KCNIP3: variants seen among roughly 807,000 people sequenced by gnomAD.
KCNIP3 encodes potassium voltage-gated channel interacting protein 3.
In KCNIP3, 28 loss-of-function variants were observed where a neutral mutation model predicts 35.0. That is an observed-to-expected ratio of 0.80 (90% CI 0.59 to 1.10). The LOEUF (loss-of-function observed/expected upper bound fraction) is 1.10. Ranked by LOEUF, KCNIP3 falls within the 50% of genes least tolerant of loss-of-function variation. The pLI is 0.00. For missense variants in KCNIP3, 295 were observed against 338.4 expected (o/e 0.87, Z 1.01); for synonymous variants, 134 against 133.8 (o/e 1.00, Z -0.01).
At chr2:95,322,731 C>T (rs955671798) in intron 2 of KCNIP3, among the ~76,000 whole-genome samples, 2 of 152,224 alleles carry the variant, frequency 1.3e-5, no homozygotes, top group African/African-American at 2.4e-5. Flanking sequence ...TTTCTCCCCA[C>T]CCCGCTTATC....
intron 2 of KCNIP3, among the ~76,000 whole-genome samples, chr2:95,332,113 CAGAG>C (rs991177251): frequency 2.0e-5 from 3 of 152,222 alleles, no homozygotes; most frequent in Admixed American, 2.0e-4. Flanking sequence ...AGCATTCAGA[CAGAG>C]AGAGGAGGCA....
intron 5 of KCNIP3, among the ~76,000 whole-genome samples, chr2:95,375,549 G>A (rs776261897): frequency 1.6e-4 from 24 of 152,080 alleles, no homozygotes; most frequent in Non-Finnish European, 2.9e-4. Context: ...TCAGAGGCCT[G>A]GTTTGCTGAC....
Position 95,382,560 on chromosome 2 carries a change from A to AGTGGCTT in KCNIP3, c.660+81_660+87dup. The AGTGGCTT allele has an allele frequency of 9.6e-7, 1 of 1,039,366 alleles. No homozygotes were observed. Among genetic ancestry groups the AGTGGCTT allele is most frequent in the South Asian group, 1.6e-5 (1 of 63,812 alleles). 64.4% of individuals were successfully genotyped at this position (1,039,366 alleles called of 1,614,324 possible). A position where few individuals can be genotyped will look rare whatever the true frequency, so the allele number is the denominator to read the frequency against. ...CTCGCTTTTGGGGCCACCCCGGGCA[A>AGTGGCTT]GTGGCTTGCCCCTCTGAGCCTCCCT... is the stretch of plus-strand genomic sequence containing the variant. On this transcript the variant is annotated intron_variant, in intron 7 of 8. Coordinates refer to ENST00000295225, the MANE Select transcript of KCNIP3 (RefSeq NM_013434.5). This position sits in a 1 kb window ranked among gnomAD's most constrained non-coding sequence, Gnocchi z 4.5.
intron 2 of KCNIP3, among the ~76,000 whole-genome samples, chr2:95,323,474 C>A (rs562376527): frequency 6.6e-6 from 1 of 152,162 alleles, no homozygotes; most frequent in Non-Finnish European, 1.5e-5. Context: ...GGCTGGAGCC[C>A]GCAGGCCTGG....
rs397734932 is a variant in KCNIP3, at chr2:95,309,428, C to CTT, written c.16-913_16-912dup. Among the ~76,000 whole-genome samples the CTT allele has an allele frequency of 8.3e-3, 1,172 of 140,734 alleles. 15 individuals carry two copies. Among genetic ancestry groups the CTT allele is most frequent in the African/African-American group, 0.018 (675 of 37,852 alleles). 92.3% of individuals were successfully genotyped at this position (140,734 alleles called of 152,430 possible). ...ACCGACTCAGGCACATGGCCCACTG[C>CTT]TTTTTTTTTTTTTTTGAGACAGTCT... On this transcript the variant is annotated intron_variant, in intron 1 of 8. Coordinates refer to ENST00000295225, the MANE Select transcript of KCNIP3 (RefSeq NM_013434.5).
rs1573521318 is a variant in KCNIP3 at position 95,376,510 on chromosome 2, G to T, written c.447+1302G>T. The stretch of plus-strand genomic sequence containing the variant: ...AGCAGGTGGCAGCCCTCTGGGCTGG[G>T]TCTGTCAGTGGCTGTGCTGTGGCCC... On this transcript the variant is annotated intron_variant, in intron 5 of 8. Coordinates refer to ENST00000295225, the MANE Select transcript of KCNIP3 (RefSeq NM_013434.5). The surrounding 1 kb of genome is among the most constrained non-coding windows in gnomAD (Gnocchi z 4.2). Among the ~76,000 whole-genome samples the T allele has an allele frequency of 2.0e-5, 3 of 152,342 alleles. No homozygotes were observed. In the East Asian group the frequency reaches 5.8e-4, roughly 29 times the overall value.
In KCNIP3 at chr2:95,310,501, C is replaced by T; in HGVS notation, c.162C>T (p.Ser54=). 2 of 1,613,248 alleles carry T rather than the reference C, an allele frequency of 1.2e-6. No individual in the cohort carries two copies. The highest frequency in any genetic ancestry group is 1.7e-6 in the Non-Finnish European group (2 of 1,179,832). ...RCCLVKWILS[S]TAPQGSDSSD... ...GCCTGGTCAAGTGGATCCTGTCCAGCACAGCCCCACAGGGCTCAGGTAGGG... is the reference window on the plus strand; with the variant it reads ...GCCTGGTCAAGTGGATCCTGTCCAGTACAGCCCCACAGGGCTCAGGTAGGG... The change falls in exon 2 of 9, where the codon AGC becomes AGT. Residue 54 remains serine, a synonymous_variant. Transcript: ENST00000295225.
rs970673322 is a variant in KCNIP3, at chr2:95,385,112, C to G, written c.*1063C>G. On this transcript the variant is annotated 3_prime_UTR_variant, in exon 9 of 9. Transcript: ENST00000295225. ...CCGTCCCTCTGCCTTGCACAAAAAG[C>G]ACAAGCATTCCTTAGCAGCTCAGGC... The G allele has an allele frequency of 6.5e-6, 1 of 152,808 alleles. No homozygotes were observed. The highest frequency in any genetic ancestry group is 6.5e-5 in the Admixed American group (1 of 15,288). The allele number at this position is 152,808 out of a possible 1,614,324, so 9.5% of individuals were successfully genotyped here.
Position 95,376,432 on chromosome 2 carries a change from C to T in KCNIP3, c.447+1224C>T, listed in dbSNP as rs1398419891. Among the ~76,000 whole-genome samples, 3 of 152,226 alleles carry T rather than the reference C, an allele frequency of 2.0e-5. No homozygotes were observed. The highest frequency in any genetic ancestry group is 4.4e-5 in the Non-Finnish European group (3 of 68,032). On this transcript the variant is annotated intron_variant, in intron 5 of 8. Transcript: ENST00000295225. The surrounding 1 kb of genome is among the most constrained non-coding windows in gnomAD (Gnocchi z 4.2). The stretch of plus-strand genomic sequence containing the variant: ...GAAGGTCACAGTCGCCCCTCACCTC[C>T]TGTGGCCATCACCCTCGCTGTCCTG...
At chr2:95,347,558 A>G (rs1327917496) in intron 2 of KCNIP3, among the ~76,000 whole-genome samples, 1 of 152,152 alleles carries the variant, frequency 6.6e-6, no homozygotes, top group Non-Finnish European at 1.5e-5. Flanking sequence ...TTCGCCCCGC[A>G]CCTGGTATCC....
At chr2:95,317,644 G>A (rs914715736) in intron 2 of KCNIP3, among the ~76,000 whole-genome samples, 21 of 152,190 alleles carry the variant, frequency 1.4e-4, no homozygotes, top group African/African-American at 3.9e-4. Context: ...GAGACCAAGA[G>A]GAGAGACGCT....
intron 2 of KCNIP3, among the ~76,000 whole-genome samples, chr2:95,345,985 G>C (rs1679346315): frequency 6.6e-6 from 1 of 152,224 alleles, no homozygotes; most frequent in South Asian, 2.1e-4. Context: ...GCGGCTGCGA[G>C]TCCGTGACTC....
chr2:95,376,773 G>A lies in KCNIP3; in HGVS notation c.447+1565G>A, dbSNP rs1244573731. ...GGTCACAAAGGATCCTGCCAGGGACGGAGGCACCAAATCTAGTCTGGAGAA... is the reference window on the plus strand; with the variant it reads ...GGTCACAAAGGATCCTGCCAGGGACAGAGGCACCAAATCTAGTCTGGAGAA... On this transcript the variant is annotated intron_variant, in intron 5 of 8. Transcript: ENST00000295225. This position sits in a 1 kb window ranked among gnomAD's most constrained non-coding sequence, Gnocchi z 4.2. 6.6e-6 allele frequency among the ~76,000 whole-genome samples: 1 copy of A among 152,188 alleles called. No individual in the cohort carries two copies. The highest frequency in any genetic ancestry group is 2.4e-5 in the African/African-American group (1 of 41,440).
At chr2:95,317,003 C>T (rs1678474418) in intron 2 of KCNIP3, among the ~76,000 whole-genome samples, 1 of 152,242 alleles carries the variant, frequency 6.6e-6, no homozygotes, top group South Asian at 2.1e-4. Context: ...GCTCTCCCTT[C>T]TGCTCCTCAG....
intron 1 of KCNIP3, among the ~76,000 whole-genome samples, chr2:95,305,443 T>C (rs1288788340): frequency 6.6e-6 from 1 of 152,188 alleles, no homozygotes; most frequent in East Asian, 1.9e-4. Context: ...TACAACACAA[T>C]AGCACAACTG....
chr2:95,335,041 GTCT>G (rs913361882), intron 2 of KCNIP3, among the ~76,000 whole-genome samples: 2 of 152,202 alleles, frequency 1.3e-5, no homozygotes, highest in East Asian at 3.9e-4. Context: ...AAGTAGCTTG[GTCT>G]TCTCCTACCT....
intron 2 of KCNIP3, among the ~76,000 whole-genome samples, chr2:95,326,492 A>C (rs1171364735): frequency 6.6e-6 from 1 of 152,220 alleles, no homozygotes; most frequent in Non-Finnish European, 1.5e-5. Context: ...AGCGCCCAAC[A>C]TGGCCTACAG....
intron 2 of KCNIP3, among the ~76,000 whole-genome samples, chr2:95,338,368 T>C (rs573308666): frequency 6.6e-6 from 1 of 152,208 alleles, no homozygotes; most frequent in South Asian, 2.1e-4. Context: ...ACGTTTAGCT[T>C]GGTAGCTCCA....
At chr2:95,380,468 C>T (rs1361319568) in intron 5 of KCNIP3, among the ~76,000 whole-genome samples, 14 of 152,328 alleles carry the variant, frequency 9.2e-5, no homozygotes, top group Non-Finnish European at 1.6e-4. Flanking sequence ...TGTCCCACTT[C>T]GCTGGTACAG....
Sources: gnomAD v4.1 joint callset for allele counts (sites outside exome capture counted in the v4.1 genomes callset) on GRCh38, gnomAD v4.1.1 for gene constraint, Gnocchi (gnomAD v3.1) non-coding constraint, MANE v1.5 for transcripts, NCBI Gene and HGNC (gene_info 2026-07-23, HGNC 2026-07-21) for gene names.